RLIM: variants seen among roughly 807,000 people sequenced by gnomAD.
RLIM encodes E3 ubiquitin-protein ligase RLIM.
A neutral mutation model predicts 34.0 loss-of-function variants in RLIM; 2 were observed. That is an observed-to-expected ratio of 0.06 (90% CI 0.02 to 0.19). The LOEUF (loss-of-function observed/expected upper bound fraction) is 0.19, where lower values mean the gene tolerates loss of function less well. Ranked by LOEUF, RLIM falls within the 10% of genes least tolerant of loss-of-function variation. RLIM has a pLI of 1.00. For synonymous variants in RLIM, 169 were observed against 164.0 expected (o/e 1.03, Z -0.23); for missense variants, 286 against 479.7 (o/e 0.60, Z 3.77).
chrX:74,599,536 T>G (rs778141103), intron 1 of RLIM, among the ~76,000 whole-genome samples: 9 of 111,548 alleles, frequency 8.1e-5, no homozygotes, highest in Non-Finnish European at 1.3e-4. Context: ...AGGTAGGGCC[T>G]TTGGTCATAA....
Position 74,583,376 on chromosome X carries a change from T to G in RLIM, c.*8064A>C. 1 of 804,399 alleles carries G rather than the reference T, an allele frequency of 1.2e-6. No individual in the cohort carries two copies. The allele number at this position is 804,399 out of a possible 1,213,427, so 66.3% of individuals were successfully genotyped here. A position where few individuals can be genotyped will look rare whatever the true frequency, so the allele number is the denominator to read the frequency against. ...TGGAAACAGTCAAAGGTTCCTGACC[T>G]TGTACATGAATAGCAGGCTGTTGCA... On this transcript the variant is annotated 3_prime_UTR_variant, in exon 4 of 4. Coordinates refer to ENST00000332687, the MANE Select transcript of RLIM (RefSeq NM_016120.4).
Position 74,591,788 on chromosome X carries a change from C to G in RLIM, c.1527G>C (p.Arg509Ser). 1 of 1,211,468 alleles carries G rather than the reference C, an allele frequency of 8.3e-7. No individual in the cohort carries two copies. The highest frequency in any genetic ancestry group is 1.1e-6 in the Non-Finnish European group (1 of 895,410). ...GSSSSGSSGARREGRHRAPVT... is the reference protein window; with the variant it reads ...GSSSSGSSGASREGRHRAPVT... ...CTGGGGCCCTATGTCGACCCTCTCG[C>G]CTGGCACCTGATGAGCCTGATGATG... Residue 509 changes from arginine to serine, a missense_variant, in exon 4 of 4, where the codon AGG (arginine) becomes AGC (serine). Transcript: ENST00000332687.
In RLIM at chrX:74,591,946, A is replaced by T; in HGVS notation, c.1369T>A (p.Ser457Thr). Residue 457 changes from serine (S) to threonine (T), a missense_variant, in exon 4 of 4, where the codon TCC (serine) becomes ACC (threonine). This residue lies in a region of RLIM where 69 missense variants were observed against 83.5 expected (regional missense o/e 0.83). Coordinates refer to ENST00000332687, the MANE Select transcript of RLIM (RefSeq NM_016120.4). ...GGSGGGSSSG[S>T]SSSSSSSSSS... ...GAACTGGAACTGGAACTCGAACTGG[A>T]ACCAGAACTACTACCACCACCAGAA... 1 of 1,211,331 alleles carries T rather than the reference A, an allele frequency of 8.3e-7. No individual in the cohort carries two copies. Among genetic ancestry groups the T allele is most frequent in the Non-Finnish European group, 1.1e-6 (1 of 895,189 alleles).
At chrX:74,598,778 C>CAA (rs36109028) in intron 1 of RLIM, among the ~76,000 whole-genome samples, 8 of 65,891 alleles carry the variant, frequency 1.2e-4, no homozygotes, top group South Asian at 1.4e-3. Context: ...GACTCTGTTT[C>CAA]AAAAAAAAAA....
In RLIM at chrX:74,591,695, A is replaced by C. The variant is rs1415338498; in HGVS notation, c.1620T>G (p.Asp540Glu). 1.1e-5 allele frequency: 13 copies of C among 1,210,065 alleles called. No homozygotes were observed. Among genetic ancestry groups the C allele is most frequent in the African/African-American group, 1.7e-5 (1 of 57,211 alleles). The change falls in exon 4 of 4, where the codon GAT becomes GAG. Residue 540 changes from aspartate (D) to glutamate (E), a missense_variant. Transcript: ENST00000332687. ...TGAGTCCTCTAGGTTGGTCATCATC[A>C]TCCTCATTTAAGAGGAAAAACTGAG... Reference protein sequence around the residue: ...SLAQFFLLNEDDDDQPRGLTK... With the variant: ...SLAQFFLLNEEDDDQPRGLTK...
At chrX:74,611,398 C>G (rs2079710305) in intron 1 of RLIM, among the ~76,000 whole-genome samples, 1 of 112,047 alleles carries the variant, frequency 8.9e-6, no homozygotes, top group Non-Finnish European at 1.9e-5. Flanking sequence ...TCAAAGATAT[C>G]CAACCAGCCT....
rs773234133 is a variant in RLIM, at chrX:74,591,958, T to C, written c.1357A>G (p.Ser453Gly). The C allele has an allele frequency of 4.1e-5, 50 of 1,209,549 alleles. No individual in the cohort carries two copies. In the Admixed American group the frequency reaches 4.4e-4, roughly 11 times the overall value. ...RSGRGGSGGG[S>G]SSGSSSSSSS... ...GAACTCGAACTGGAACCAGAACTACTACCACCACCAGAACCTCCTCTTCCA... is the reference window on the plus strand; with the variant it reads ...GAACTCGAACTGGAACCAGAACTACCACCACCACCAGAACCTCCTCTTCCA... The change falls in exon 4 of 4, where the codon AGT becomes GGT. Residue 453 changes from serine to glycine, a missense_variant. Physicochemically the swap from Ser to Gly is moderately conservative, Grantham distance 56 (BLOSUM62 0). This residue lies in a region of RLIM where 69 missense variants were observed against 83.5 expected (regional missense o/e 0.83). Coordinates refer to ENST00000332687, the MANE Select transcript of RLIM (RefSeq NM_016120.4).
chrX:74,612,119 TATC>T (rs1408416833), intron 1 of RLIM, among the ~76,000 whole-genome samples: 1 of 112,082 alleles, frequency 8.9e-6, no homozygotes, highest in African/African-American at 3.2e-5. Context: ...CAATTAAAAG[TATC>T]ATGTATCAAT....
intron 1 of RLIM, among the ~76,000 whole-genome samples, chrX:74,602,225 A>T (rs1161910462): frequency 9.0e-6 from 1 of 111,414 alleles, no homozygotes. Context: ...AAGGGCTATC[A>T]AGCTAAAATA....
rs551762658 is a variant in RLIM, at chrX:74,586,125, A to G, written c.*5315T>C. On this transcript the variant is annotated 3_prime_UTR_variant, in exon 4 of 4. Coordinates refer to ENST00000332687, the MANE Select transcript of RLIM (RefSeq NM_016120.4). ...ACCAGGCCAACTGCGTACCTACTCAACTTGATACCTGATCACATGGCCCTA... is the reference window on the plus strand; with the variant it reads ...ACCAGGCCAACTGCGTACCTACTCAGCTTGATACCTGATCACATGGCCCTA... 3 of 112,072 alleles carry G rather than the reference A, an allele frequency of 2.7e-5. No homozygotes were observed. The highest frequency in any genetic ancestry group is 9.7e-5 in the African/African-American group (3 of 30,816). 9.2% of individuals were successfully genotyped at this position (112,072 alleles called of 1,213,427 possible).
At chrX:74,607,591 C>T (rs2079688037) in intron 1 of RLIM, among the ~76,000 whole-genome samples, 1 of 112,825 alleles carries the variant, frequency 8.9e-6, no homozygotes, top group South Asian at 3.6e-4. Context: ...TGCCTGTAAT[C>T]CCAGCTACTC....
At chrX:74,597,668 T>C (rs975327068) in intron 1 of RLIM, among the ~76,000 whole-genome samples, 3 of 112,206 alleles carry the variant, frequency 2.7e-5, no homozygotes, top group Non-Finnish European at 5.6e-5. Flanking sequence ...TTAACGTTTA[T>C]GGTTATATAT....
In RLIM at chrX:74,584,954, C is replaced by T. The variant is rs1931310558; in HGVS notation, c.*6486G>A. On this transcript the variant is annotated 3_prime_UTR_variant, in exon 4 of 4. Coordinates refer to ENST00000332687, the MANE Select transcript of RLIM (RefSeq NM_016120.4). ...GTTATGATGCCAATGACAGATAGCT[C>T]TGCAGGCACCAGAGGAAATGAAACT... is the stretch of plus-strand genomic sequence containing the variant. 8.9e-6 allele frequency among the ~76,000 whole-genome samples: 1 copy of T among 112,093 alleles called. No homozygotes were observed. The highest frequency in any genetic ancestry group is 1.9e-5 in the Non-Finnish European group (1 of 53,257).
Position 74,592,739 on chromosome X carries a change from T to C in RLIM, c.576A>G (p.Glu192=). The change falls in exon 4 of 4, where the codon GAA becomes GAG. Residue 192 remains glutamate, a synonymous_variant. Transcript: ENST00000332687. The part of the protein sequence containing the change: ...ESTSARPSRS[E]RNSTEALTEV... ...CTGTTAACGCTTCAGTTGAATTTCG[T>C]TCTGATCTAGATGGCCTTGCAGATG... is the stretch of plus-strand genomic sequence containing the variant. The C allele has an allele frequency of 5.0e-6, 6 of 1,212,092 alleles. No homozygotes were observed. The highest frequency in any genetic ancestry group is 4.6e-4 in the Middle Eastern group (2 of 4,356).
At chrX:74,613,953 G>C in intron 1 of RLIM, among the ~76,000 whole-genome samples, 1 of 110,532 alleles carries the variant, frequency 9.0e-6, no homozygotes, top group Non-Finnish European at 1.9e-5. Flanking sequence ...AAAGGCCCAA[G>C]AGTTGCCAGC....
At chrX:74,600,243 A>C (rs1241164881) in intron 1 of RLIM, among the ~76,000 whole-genome samples, 1 of 110,645 alleles carries the variant, frequency 9.0e-6, no homozygotes, top group Non-Finnish European at 1.9e-5. Context: ...TGACACTAGA[A>C]ATCACCAGCT....
At position 74,584,488 on chromosome X, in the gene RLIM, A is replaced by C. The variant is rs1289884052; in HGVS notation, c.*6952T>G. Among the ~76,000 whole-genome samples the C allele has an allele frequency of 1.8e-5, 2 of 112,427 alleles. No individual in the cohort carries two copies. Among genetic ancestry groups the C allele is most frequent in the Non-Finnish European group, 1.9e-5 (1 of 53,294 alleles). On this transcript the variant is annotated 3_prime_UTR_variant, in exon 4 of 4. Coordinates refer to ENST00000332687, the MANE Select transcript of RLIM (RefSeq NM_016120.4). ...TTGTCTAAATTCAAAGACCTCAAAGAAACTGGACCCTTGCTTTCTTATTTT... is the reference window on the plus strand; with the variant it reads ...TTGTCTAAATTCAAAGACCTCAAAGCAACTGGACCCTTGCTTTCTTATTTT...
At position 74,583,213 on chromosome X, in the gene RLIM, T is replaced by C; in HGVS notation, c.*8227A>G. The C allele has an allele frequency of 1.9e-6, 2 of 1,055,863 alleles. No homozygotes were observed. The highest frequency in any genetic ancestry group is 2.7e-6 in the Non-Finnish European group (2 of 752,693). 87.0% of individuals were successfully genotyped at this position (1,055,863 alleles called of 1,213,427 possible). A position where few individuals can be genotyped will look rare whatever the true frequency, so the allele number is the denominator to read the frequency against. On this transcript the variant is annotated 3_prime_UTR_variant, in exon 4 of 4. Coordinates refer to ENST00000332687, the MANE Select transcript of RLIM (RefSeq NM_016120.4). ...TGGAGTGACTCTGGAGACTTGAGCATATGAAGAAGTTCTGAATTATCAATC... is the reference window on the plus strand; with the variant it reads ...TGGAGTGACTCTGGAGACTTGAGCACATGAAGAAGTTCTGAATTATCAATC...
chrX:74,613,776 G>C (rs1227128697), intron 1 of RLIM, among the ~76,000 whole-genome samples: 1 of 109,343 alleles, frequency 9.1e-6, no homozygotes, highest in Non-Finnish European at 1.9e-5. Flanking sequence ...TCTCTTTTGC[G>C]GGGGGATCCT....
Sources: gnomAD v4.1 joint callset for allele counts (sites outside exome capture counted in the v4.1 genomes callset) on GRCh38, gnomAD v4.1.1 for gene constraint, gnomAD v4.1.1 regional missense constraint, MANE v1.5 for transcripts, NCBI Gene and HGNC (gene_info 2026-07-23, HGNC 2026-07-21) for gene names.